CERT1: variants seen among roughly 807,000 people sequenced by gnomAD.
CERT1 encodes ceramide transfer protein.
Under a neutral mutation model 87.9 loss-of-function variants are expected in CERT1, and 31 were observed. The ratio of observed to expected loss-of-function variants is 0.35; its 90% CI spans 0.27 to 0.48. CERT1 has a LOEUF of 0.48. Ranked by LOEUF, CERT1 falls within the 20% of genes least tolerant of loss-of-function variation. CERT1 has a pLI of 0.99. For missense variants in CERT1, 487 were observed against 758.0 expected, an observed-to-expected ratio of 0.64 and a Z score of 4.20; for synonymous variants, 289 against 250.9, an observed-to-expected ratio of 1.15 and a Z score of -1.44.
At chr5:75,373,434 A>T (rs1344739142), downstream of CERT1, 1 of 152,206 alleles carries the variant, frequency 6.6e-6, no homozygotes, top group African/African-American at 2.4e-5. Context: ...TTGTGTTCAT[A>T]ACAAACTGAA....
intron 6 of CERT1, among the ~76,000 whole-genome samples, 173 bp downstream of exon 6, chr5:75,419,168 T>C (rs577518391): frequency 4.1e-4 from 62 of 152,354 alleles, no homozygotes; most frequent in African/African-American, 1.4e-3. Context: ...TTACCATTAT[T>C]ACATAATGTC....
chr5:75,374,321 A>G (rs1030628901), downstream of CERT1: 4 of 501,168 alleles, frequency 8.0e-6, no homozygotes, highest in Non-Finnish European at 1.4e-5. Context: ...AATCTCTATT[A>G]AAATTTATCA....
At chr5:75,430,177 C>G (rs951055917) in intron 3 of CERT1, among the ~76,000 whole-genome samples, 2 of 152,190 alleles carry the variant, frequency 1.3e-5, no homozygotes, top group Non-Finnish European at 2.9e-5. Flanking sequence ...CTTCTAACAC[C>G]TACCAGTTGC....
At chr5:75,480,240 A>G (rs1474661043) in intron 2 of CERT1, among the ~76,000 whole-genome samples, 1 of 152,244 alleles carries the variant, frequency 6.6e-6, no homozygotes, top group Non-Finnish European at 1.5e-5. Context: ...TACCTACATT[A>G]TTCTTGCAAC....
At chr5:75,409,856 A>G (rs997902103) in intron 8 of CERT1, among the ~76,000 whole-genome samples, 29 of 150,384 alleles carry the variant, frequency 1.9e-4, no homozygotes, top group Non-Finnish European at 2.8e-4. Context: ...TTAAAGAGAC[A>G]AAGTCTCGCT....
intron 11 of CERT1, among the ~76,000 whole-genome samples, chr5:75,391,635 G>A (rs1033967338): frequency 6.6e-6 from 1 of 152,106 alleles, no homozygotes; most frequent in Non-Finnish European, 1.5e-5. Flanking sequence ...ACCAATGCAG[G>A]ATTCCAAATT....
At chr5:75,498,336 A>G (rs1239100012) in intron 2 of CERT1, among the ~76,000 whole-genome samples, 1 of 152,200 alleles carries the variant, frequency 6.6e-6, no homozygotes, top group Non-Finnish European at 1.5e-5. Context: ...TCACCAAGAC[A>G]ATGGGGAAAA....
At chr5:75,460,608 C>T (rs574254198) in intron 2 of CERT1, among the ~76,000 whole-genome samples, 1 of 152,170 alleles carries the variant, frequency 6.6e-6, no homozygotes. Flanking sequence ...AATCAATATC[C>T]TCTCCTAAAA....
At chr5:75,420,896 C>A (rs1763350423) in intron 5 of CERT1, among the ~76,000 whole-genome samples, 1 of 152,164 alleles carries the variant, frequency 6.6e-6, no homozygotes, top group Admixed American at 6.5e-5. Flanking sequence ...AATCTCAGCT[C>A]ACTGCAACCT....
intron 5 of CERT1, among the ~76,000 whole-genome samples, chr5:75,422,316 C>CA (rs1181188396): frequency 6.6e-6 from 1 of 152,100 alleles, no homozygotes; most frequent in African/African-American, 2.4e-5. Flanking sequence ...CCAAAACAGA[C>CA]ACAAAATAGC....
chr5:75,469,812 T>C (rs1765632312), intron 2 of CERT1, among the ~76,000 whole-genome samples: 1 of 152,060 alleles, frequency 6.6e-6, no homozygotes, highest in Non-Finnish European at 1.5e-5. Flanking sequence ...AAAAGACCCA[T>C]CTATATATTG....
At chr5:75,494,236 G>A (rs1766951209) in intron 2 of CERT1, among the ~76,000 whole-genome samples, 1 of 152,150 alleles carries the variant, frequency 6.6e-6, no homozygotes, top group Non-Finnish European at 1.5e-5. Flanking sequence ...TTCACCACAG[G>A]ATAATCTAGT....
intron 3 of CERT1, among the ~76,000 whole-genome samples, chr5:75,442,958 A>C (rs1764386532): frequency 6.6e-6 from 1 of 152,144 alleles, no homozygotes; most frequent in Non-Finnish European, 1.5e-5. Flanking sequence ...ATAGGAAAAA[A>C]ATTTATATAT....
intron 2 of CERT1, among the ~76,000 whole-genome samples, chr5:75,500,701 A>G (rs1248578172): frequency 6.6e-6 from 1 of 152,158 alleles, no homozygotes; most frequent in Non-Finnish European, 1.5e-5. Context: ...GTTCTCACTA[A>G]TACTGTTCAA....
At chr5:75,438,144 T>C (rs980194139) in intron 3 of CERT1, among the ~76,000 whole-genome samples, 8 of 152,176 alleles carry the variant, frequency 5.3e-5, no homozygotes, top group African/African-American at 1.9e-4. Flanking sequence ...AATTCTTAAA[T>C]TGATTTTATT....
chr5:75,466,701 G>A (rs1243136704), intron 2 of CERT1, among the ~76,000 whole-genome samples: 1 of 152,152 alleles, frequency 6.6e-6, no homozygotes, highest in Non-Finnish European at 1.5e-5. Flanking sequence ...ACAAACACCA[G>A]CAGGCAGCAA....
intron 3 of CERT1, among the ~76,000 whole-genome samples, chr5:75,428,944 TCCC>T (rs1763746087): frequency 6.6e-6 from 1 of 151,834 alleles, no homozygotes; most frequent in South Asian, 2.1e-4. Context: ...TATCAAATAA[TCCC>T]CCATCTTTAT....
chr5:75,419,759 A>G (rs1763293683), intron 5 of CERT1, among the ~76,000 whole-genome samples: 1 of 152,112 alleles, frequency 6.6e-6, no homozygotes, highest in Non-Finnish European at 1.5e-5. Context: ...CCACCCAAAT[A>G]TGTGGAATGT....
At chr5:75,449,706 TG>T (rs1476249706) in intron 3 of CERT1, among the ~76,000 whole-genome samples, 2 of 150,964 alleles carry the variant, frequency 1.3e-5, no homozygotes, top group Non-Finnish European at 1.5e-5. Flanking sequence ...TTGGTGGTGG[TG>T]TTTTTTTTTT....
Sources: allele counts gnomAD v4.1 joint callset (sites outside exome capture counted in the v4.1 genomes callset), GRCh38; gene constraint gnomAD v4.1.1; transcripts MANE v1.5; gene names NCBI Gene and HGNC (gene_info 2026-07-23, HGNC 2026-07-21).